The following SGCD variants were observed in gnomAD, a reference collection of about 807,000 sequenced individuals.
SGCD encodes sarcoglycan delta.
A neutral mutation model predicts 36.6 loss-of-function variants in SGCD; 18 were observed. The observed-to-expected ratio is 0.49, with a 90% CI of 0.34 to 0.73. The LOEUF is 0.73. Ranked by LOEUF, SGCD falls within the 30% of genes least tolerant of loss-of-function variation. The probability of loss-of-function intolerance (pLI) is 0.01; values close to 1 mark genes in which losing one functional copy is unlikely to be tolerated. For synonymous variants in SGCD, 133 were observed against 130.6 expected (o/e 1.02, Z -0.12); for missense variants, 387 against 346.7 (o/e 1.12, Z -0.92).
chr5:156,517,679 G>C (rs1024922266), intron 4 of SGCD, among the ~76,000 whole-genome samples: 3 of 152,160 alleles, frequency 2.0e-5, no homozygotes, highest in Non-Finnish European at 4.4e-5. Flanking sequence ...AGAAGAGATT[G>C]TGGGCCAATT....
intron 3 of SGCD, among the ~76,000 whole-genome samples, chr5:156,144,510 G>T (rs1018520625): frequency 2.6e-5 from 4 of 152,146 alleles, no homozygotes; most frequent in Non-Finnish European, 5.9e-5. Context: ...ATTTTTTCAT[G>T]TGTCTTTTGG....
chr5:156,164,925 C>T (rs1487513852), intron 3 of SGCD, among the ~76,000 whole-genome samples: 1 of 152,174 alleles, frequency 6.6e-6, no homozygotes, highest in Non-Finnish European at 1.5e-5. Context: ...GAAGAAATTT[C>T]GGCCCTCAGT....
chr5:156,234,754 C>A (rs1433644893), intron 3 of SGCD, among the ~76,000 whole-genome samples: 1 of 152,100 alleles, frequency 6.6e-6, no homozygotes, highest in African/African-American at 2.4e-5. Context: ...GGTTTAGACC[C>A]TAGGCAAATG....
At chr5:156,451,117 C>G (rs1375167199) in intron 3 of SGCD, among the ~76,000 whole-genome samples, 1 of 142,536 alleles carries the variant, frequency 7.0e-6, no homozygotes, top group Non-Finnish European at 1.5e-5. Flanking sequence ...TTTCACCATA[C>G]TATTTTCCAG....
At chr5:156,384,044 G>A (rs1295372388) in intron 3 of SGCD, among the ~76,000 whole-genome samples, 1 of 152,180 alleles carries the variant, frequency 6.6e-6, no homozygotes, top group African/African-American at 2.4e-5. Context: ...GTATTTCGGT[G>A]TGTACATGTT....
At chr5:156,033,933 A>G (rs1759424048) in intron 1 of SGCD, among the ~76,000 whole-genome samples, 1 of 152,180 alleles carries the variant, frequency 6.6e-6, no homozygotes, top group Admixed American at 6.5e-5. Flanking sequence ...AAACTGTTCA[A>G]TGCAAGACAC....
chr5:156,040,792 C>T (rs1269909940), intron 1 of SGCD, among the ~76,000 whole-genome samples: 3 of 152,234 alleles, frequency 2.0e-5, no homozygotes, highest in South Asian at 2.1e-4. Flanking sequence ...AATATTAAGT[C>T]TTACATCAGA....
At chr5:156,585,558 T>C (rs1214039614) in intron 4 of SGCD, among the ~76,000 whole-genome samples, 1 of 152,192 alleles carries the variant, frequency 6.6e-6, no homozygotes, top group Non-Finnish European at 1.5e-5. Context: ...GAGAAGTCAC[T>C]ATGTTCTGAC....
At chr5:155,825,402 GC>G in the SGCD span, among the ~76,000 whole-genome samples, 2 of 152,170 alleles carry the variant, frequency 1.3e-5, no homozygotes, top group African/African-American at 4.8e-5. Context: ...TGGGTAAATG[GC>G]CCTCTGCGTT....
intron 1 of SGCD, among the ~76,000 whole-genome samples, chr5:156,117,270 C>G (rs1157080870): frequency 6.6e-6 from 1 of 151,906 alleles, no homozygotes; most frequent in Non-Finnish European, 1.5e-5. Context: ...CTCCTAAAAC[C>G]CTTGTAAAAT....
intron 3 of SGCD, among the ~76,000 whole-genome samples, chr5:156,191,977 A>G (rs1036529637): frequency 2.0e-5 from 3 of 152,332 alleles, no homozygotes; most frequent in South Asian, 2.1e-4. Context: ...ATGAATCATG[A>G]TGATTGAGGA....
In SGCD at chr5:156,504,689, T is replaced by G. The variant is rs181949009; in HGVS notation, c.193-3912T>G. On this transcript the variant is annotated intron_variant, in intron 3 of 8. Coordinates refer to ENST00000337851, the MANE Select transcript of SGCD (RefSeq NM_000337.6). ...CTTTCACATTTACACAGTTATTTCC[T>G]TACGATGAAATCCAAGAAGTAACAT... Among the ~76,000 whole-genome samples the G allele has an allele frequency of 5.3e-4, 80 of 152,254 alleles. 1 individual carries two copies. Among genetic ancestry groups the G allele is most frequent in the Middle Eastern group, 6.8e-3 (2 of 294 alleles).
chr5:156,258,015 G>GT (rs1177150618), intron 3 of SGCD, among the ~76,000 whole-genome samples: 3 of 152,102 alleles, frequency 2.0e-5, no homozygotes, highest in South Asian at 4.1e-4. Flanking sequence ...GAACCAGCTG[G>GT]TTTTTTTCAT....
At chr5:156,750,896 A>G (rs564950081) in intron 7 of SGCD, among the ~76,000 whole-genome samples, 86 of 152,308 alleles carry the variant, frequency 5.6e-4, no homozygotes, top group South Asian at 1.9e-3. Flanking sequence ...GCTACAAAAG[A>G]TAGGTTAAAC....
the SGCD span, among the ~76,000 whole-genome samples, chr5:155,753,604 C>T: frequency 1.3e-5 from 2 of 152,078 alleles, no homozygotes; most frequent in Non-Finnish European, 2.9e-5. Context: ...ACAAGAAAGC[C>T]TGCCTTATTC....
intron 1 of SGCD, among the ~76,000 whole-genome samples, chr5:156,013,388 G>C (rs1404813578): frequency 6.6e-6 from 1 of 152,150 alleles, no homozygotes; most frequent in South Asian, 2.1e-4. Flanking sequence ...TAAAATTAAA[G>C]TGAGTAGAAA....
intron 3 of SGCD, among the ~76,000 whole-genome samples, chr5:156,185,436 G>C (rs113144586): frequency 0.021 from 3,138 of 151,894 alleles, 49 homozygotes; most frequent in Non-Finnish European, 0.028. Context: ...GGATGGTCTC[G>C]ATCTCCTGAC....
intron 1 of SGCD, among the ~76,000 whole-genome samples, chr5:155,983,872 G>T (rs1758277795): frequency 1.3e-5 from 2 of 152,090 alleles, no homozygotes; most frequent in Admixed American, 1.3e-4. Flanking sequence ...AGGATGCTTT[G>T]TCTAGCCTAA....
chr5:156,090,855 C>A (rs1761222568), intron 1 of SGCD, among the ~76,000 whole-genome samples: 1 of 152,176 alleles, frequency 6.6e-6, no homozygotes, highest in South Asian at 2.1e-4. Context: ...TGATATTTCT[C>A]CTACTCACAC....
Sources: allele counts gnomAD v4.1 joint callset (sites outside exome capture counted in the v4.1 genomes callset), GRCh38; gene constraint gnomAD v4.1.1; transcripts MANE v1.5; gene names NCBI Gene and HGNC (gene_info 2026-07-23, HGNC 2026-07-21).